Variants in ANAPC1 observed in about 807,000 individuals in gnomAD.
The protein encoded by ANAPC1 is anaphase promoting complex subunit 1, also known as anaphase-promoting complex subunit 1.
A neutral mutation model predicts 208.0 loss-of-function variants in ANAPC1; 36 were observed. That is an observed-to-expected ratio of 0.17 (90% CI 0.13 to 0.23). The LOEUF (loss-of-function observed/expected upper bound fraction) is 0.23, where lower values mean the gene tolerates loss of function less well. ANAPC1 is among the 10% of genes least tolerant of loss of function. The pLI is 1.00. For synonymous variants in ANAPC1, 378 were observed against 695.2 expected (o/e 0.54, Z 7.18); for missense variants, 942 against 2,011.6 (o/e 0.47, Z 10.17).
intron 3 of ANAPC1, among the ~76,000 whole-genome samples, chr2:111,876,075 G>T (rs1914210): frequency 0.58 from 86,878 of 151,032 alleles, 26,067 homozygotes; most frequent in South Asian, 0.69. Flanking sequence ...CAGCATAATG[G>T]CTGAAACAGA....
intron 16 of ANAPC1, among the ~76,000 whole-genome samples, chr2:111,846,639 C>T (rs953880512): frequency 1.5e-5 from 2 of 137,350 alleles, no homozygotes; most frequent in Non-Finnish European, 3.1e-5. Flanking sequence ...GCACGATCTC[C>T]ACTCACTGCA....
rs1374741282 is a variant in ANAPC1, at chr2:111,794,322, G to A, written c.4375C>T (p.Gln1459Ter). Residue 1459 changes from glutamine (Q) to a stop codon, truncating the protein, a stop_gained and splice_region_variant, in exon 36 of 48, where the codon CAA becomes TAA. Coordinates refer to ENST00000341068, the MANE Select transcript of ANAPC1 (RefSeq NM_022662.4). LOFTEE classifies it high-confidence loss of function. The stretch of plus-strand genomic sequence containing the variant: ...CCTGCAATTATGTAGACATGTGCTT[G>A]GCTGAAAACAGGTGACAAGAAATTT... ...SEDLNLETLS[Q>*]AHVYIIAGAC... 1 of 1,591,160 alleles carries A rather than the reference G, an allele frequency of 6.3e-7. No individual in the cohort carries two copies. Among genetic ancestry groups the A allele is most frequent in the Non-Finnish European group, 8.5e-7 (1 of 1,172,800 alleles).
chr2:111,799,331 ACT>A (rs1253412365), intron 34 of ANAPC1, among the ~76,000 whole-genome samples: 1 of 152,124 alleles, frequency 6.6e-6, no homozygotes, highest in Admixed American at 6.5e-5. Context: ...AACAGCCAAC[ACT>A]CTCAAACACT....
chr2:111,880,411 C>T (rs1458857106), intron 2 of ANAPC1: 10 of 1,025,372 alleles, frequency 9.8e-6, no homozygotes, highest in Non-Finnish European at 1.3e-5. Context: ...AATAAAACCA[C>T]AAGTTATAGA....
chr2:111,840,739 A>G (rs1267595433), intron 17 of ANAPC1, among the ~76,000 whole-genome samples: 1 of 152,226 alleles, frequency 6.6e-6, no homozygotes, highest in African/African-American at 2.4e-5. Context: ...CTCGGATACA[A>G]TTGTTTAAAA....
At chr2:111,881,672 A>T (rs2104619440) in intron 1 of ANAPC1, among the ~76,000 whole-genome samples, 1 of 152,330 alleles carries the variant, frequency 6.6e-6, no homozygotes, top group East Asian at 1.9e-4. Context: ...GCATAATTAG[A>T]TTGTCCTTCG....
intron 3 of ANAPC1, among the ~76,000 whole-genome samples, chr2:111,875,137 T>C (rs1217845971): frequency 1.3e-5 from 2 of 152,254 alleles, no homozygotes; most frequent in African/African-American, 4.8e-5. Context: ...TGGTATCTCA[T>C]TGTGGTTGTA....
At chr2:111,866,649 G>A (rs1386978305) in intron 7 of ANAPC1, among the ~76,000 whole-genome samples, 1 of 150,782 alleles carries the variant, frequency 6.6e-6, no homozygotes, top group Non-Finnish European at 1.5e-5. Flanking sequence ...GCTTGAACCT[G>A]GGAGGCAGAG....
chr2:111,844,447 T>C (rs1447291711), intron 16 of ANAPC1, among the ~76,000 whole-genome samples: 7 of 151,426 alleles, frequency 4.6e-5, no homozygotes, highest in East Asian at 1.9e-4. Flanking sequence ...CAGGCACCTG[T>C]AATCCCAGCT....
intron 1 of ANAPC1, among the ~76,000 whole-genome samples, chr2:111,882,905 C>T (rs775685541): frequency 6.6e-6 from 1 of 152,056 alleles, no homozygotes; most frequent in Non-Finnish European, 1.5e-5. Context: ...TGGTGGCTCA[C>T]GCCTGTAATC....
chr2:111,834,593 A>C lies in ANAPC1; in HGVS notation c.2384+11T>G. 1 of 1,560,460 alleles carries C rather than the reference A, an allele frequency of 6.4e-7. No individual in the cohort carries two copies. Among genetic ancestry groups the C allele is most frequent in the Non-Finnish European group, 8.7e-7 (1 of 1,155,116 alleles). On this transcript the variant is annotated intron_variant, in intron 19 of 47. Transcript: ENST00000341068. ...ACTTCCTGGCAGTTTCTAACCTACAAACAAATTTACCTTGCCAACTGAACG... is the reference window on the plus strand; with the variant it reads ...ACTTCCTGGCAGTTTCTAACCTACACACAAATTTACCTTGCCAACTGAACG...
intron 29 of ANAPC1, among the ~76,000 whole-genome samples, 174 bp from the exon 30 acceptor site, chr2:111,806,067 A>G (rs1678658984): frequency 6.6e-6 from 1 of 151,798 alleles, no homozygotes; most frequent in Non-Finnish European, 1.5e-5. Flanking sequence ...TTACCTACCA[A>G]AAAAAAGGGC....
intron 7 of ANAPC1, among the ~76,000 whole-genome samples, chr2:111,866,617 G>C (rs1042885325): frequency 2.0e-5 from 3 of 150,572 alleles, no homozygotes; most frequent in East Asian, 1.9e-4. Context: ...CCAGCTACTA[G>C]GGAGGCTGAG....
chr2:111,856,002 G>A (rs907808050), intron 13 of ANAPC1, among the ~76,000 whole-genome samples: 12 of 152,328 alleles, frequency 7.9e-5, no homozygotes, highest in African/African-American at 1.2e-4. Context: ...TTAGGAGGCC[G>A]AGGTGGGTGG....
At chr2:111,839,539 G>A (rs1680646227) in intron 17 of ANAPC1, among the ~76,000 whole-genome samples, 1 of 152,092 alleles carries the variant, frequency 6.6e-6, no homozygotes, top group Non-Finnish European at 1.5e-5. Context: ...CACCTAAACA[G>A]AGTTGATTTC....
intron 17 of ANAPC1, among the ~76,000 whole-genome samples, chr2:111,841,369 G>GA (rs904423301): frequency 6.8e-5 from 10 of 147,408 alleles, no homozygotes; most frequent in South Asian, 2.2e-4. Flanking sequence ...TAAGTGAGAA[G>GA]AAAAAAAAAC....
chr2:111,862,377 T>C lies in ANAPC1; in HGVS notation c.1262+12A>G. On this transcript the variant is annotated intron_variant, in intron 10 of 47. Coordinates refer to ENST00000341068, the MANE Select transcript of ANAPC1 (RefSeq NM_022662.4). Reference sequence around the variant, plus strand: ...ACATTTTTCTTTGAATATAATAATATATATAACAAACCTTATATTAGTAAT... The same window carrying C: ...ACATTTTTCTTTGAATATAATAATACATATAACAAACCTTATATTAGTAAT... 2.0e-6 allele frequency: 3 copies of C among 1,487,970 alleles called. No homozygotes were observed. Among genetic ancestry groups the C allele is most frequent in the Admixed American group, 2.6e-5 (1 of 38,416 alleles). 92.2% of individuals were successfully genotyped at this position (1,487,970 alleles called of 1,614,324 possible).
intron 38 of ANAPC1, among the ~76,000 whole-genome samples, chr2:111,788,714 C>G (rs1650254865): frequency 6.6e-6 from 1 of 150,808 alleles, no homozygotes; most frequent in Non-Finnish European, 1.5e-5. Context: ...TATAAATATA[C>G]AATTATAAAT....
chr2:111,841,057 A>C (rs1006993547), intron 17 of ANAPC1, among the ~76,000 whole-genome samples: 3 of 152,230 alleles, frequency 2.0e-5, no homozygotes, highest in African/African-American at 7.2e-5. Context: ...AAGGAAAGAA[A>C]AGAAAATTGT....
Sources: allele counts gnomAD v4.1 joint callset (sites outside exome capture counted in the v4.1 genomes callset), GRCh38; gene constraint gnomAD v4.1.1; transcripts MANE v1.5; gene names NCBI Gene and HGNC (gene_info 2026-07-23, HGNC 2026-07-21).